The following MARCHF1 variants were observed in gnomAD, a reference collection of about 807,000 sequenced individuals.
MARCHF1 encodes the protein membrane associated ring-CH-type finger 1.
Under a neutral mutation model 54.2 loss-of-function variants are expected in MARCHF1, and 40 were observed. That is an observed-to-expected ratio of 0.74 (90% CI 0.57 to 0.96). The LOEUF (loss-of-function observed/expected upper bound fraction) is 0.96, where lower values mean the gene tolerates loss of function less well. MARCHF1 is among the 40% of genes least tolerant of loss of function. The pLI is 0.00. For synonymous variants in MARCHF1, 236 were observed against 236.3 expected, an observed-to-expected ratio of 1.00 and a Z score of 0.01; for missense variants, 586 against 656.5, an observed-to-expected ratio of 0.89 and a Z score of 1.17.
At chr4:164,278,379 G>C (rs1176311617) in intron 1 of MARCHF1, among the ~76,000 whole-genome samples, 1 of 152,056 alleles carries the variant, frequency 6.6e-6, no homozygotes, top group East Asian at 1.9e-4. Flanking sequence ...AGAAAAATTA[G>C]GGGAACATTA....
chr4:164,297,676 T>C (rs1734446624), intron 1 of MARCHF1, among the ~76,000 whole-genome samples: 1 of 100,394 alleles, frequency 1.0e-5, no homozygotes, highest in Non-Finnish European at 3.0e-5. Context: ...AAGCCTGCAG[T>C]TTAACTAGTA....
chr4:164,018,578 A>G (rs1753595436), intron 2 of MARCHF1, among the ~76,000 whole-genome samples: 2 of 152,124 alleles, frequency 1.3e-5, no homozygotes, highest in Non-Finnish European at 2.9e-5. Flanking sequence ...CATATCGAAA[A>G]TGCCCAATAT....
At chr4:163,811,137 TTTC>T (rs1376766917) in intron 4 of MARCHF1, among the ~76,000 whole-genome samples, 1 of 152,176 alleles carries the variant, frequency 6.6e-6, no homozygotes, top group Non-Finnish European at 1.5e-5. Flanking sequence ...GAGCTGCTTC[TTTC>T]TTGACTTTTT....
At chr4:164,164,766 T>A (rs1730327818) in intron 1 of MARCHF1, among the ~76,000 whole-genome samples, 1 of 152,008 alleles carries the variant, frequency 6.6e-6, no homozygotes, top group Non-Finnish European at 1.5e-5. Context: ...GAACATGAGT[T>A]TGAATAACAA....
chr4:163,951,617 G>A (rs928620064), intron 3 of MARCHF1, among the ~76,000 whole-genome samples: 4 of 152,190 alleles, frequency 2.6e-5, no homozygotes, highest in African/African-American at 9.6e-5. Flanking sequence ...ATATCAGAAA[G>A]GTAAAGCAGA....
chr4:164,351,018 T>C (rs1730300026), intron 1 of MARCHF1, among the ~76,000 whole-genome samples: 1 of 151,748 alleles, frequency 6.6e-6, no homozygotes, highest in Non-Finnish European at 1.5e-5. Flanking sequence ...ACCTGGAAAA[T>C]CGGGTTACTC....
chr4:163,700,766 C>A, intron 5 of MARCHF1, 47 bp downstream of exon 5: 1 of 1,348,236 alleles, frequency 7.4e-7, no homozygotes, highest in South Asian at 1.2e-5. Flanking sequence ...TATGTGAACT[C>A]ATGAAGTGCA....
intron 5 of MARCHF1, among the ~76,000 whole-genome samples, chr4:163,649,396 T>C (rs1027631223): frequency 4.6e-5 from 7 of 152,068 alleles, no homozygotes; most frequent in African/African-American, 1.7e-4. Flanking sequence ...TCGAAACACA[T>C]TGTACAAAAG....
chr4:163,616,217 T>C (rs4642196), intron 5 of MARCHF1, among the ~76,000 whole-genome samples: 62,660 of 152,010 alleles, frequency 0.41, 13,834 homozygotes, highest in East Asian at 0.57. Context: ...AATAGACAAA[T>C]GAGACTACAT....
rs182986953 is a variant in MARCHF1 at position 163,727,847 on chromosome 4, G to C, written c.112-26984C>G. On this transcript the variant is annotated intron_variant, in intron 4 of 9. Coordinates refer to ENST00000514618, the MANE Select transcript of MARCHF1 (RefSeq NM_001394959.1). ...GCCACCATGCTCGGGTATTTTTATT[G>C]TTTTATTTTTTTAATTTTATATAGA... Among the ~76,000 whole-genome samples the C allele has an allele frequency of 7.0e-4, 106 of 151,678 alleles. 2 individuals carry two copies. The East Asian group carries it at 0.013, about 19-fold the overall frequency.
At chr4:163,580,062 A>ATTAT (rs3085769) in intron 8 of MARCHF1, among the ~76,000 whole-genome samples, 41,272 of 144,108 alleles carry the variant, frequency 0.29, 6,310 homozygotes, top group African/African-American at 0.37. Context: ...AGCCTTATTT[A>ATTAT]TTATTTATTT....
At chr4:163,871,529 G>T (rs1750168766) in intron 3 of MARCHF1, among the ~76,000 whole-genome samples, 1 of 152,082 alleles carries the variant, frequency 6.6e-6, no homozygotes, top group African/African-American at 2.4e-5. Context: ...GCCTGCTAGA[G>T]AATTTCATAA....
At chr4:164,382,674 C>T (rs1731402702) in intron 1 of MARCHF1, among the ~76,000 whole-genome samples, 2 of 152,078 alleles carry the variant, frequency 1.3e-5, no homozygotes, top group Non-Finnish European at 2.9e-5. Flanking sequence ...TAGGTACCAC[C>T]GCTTCCTTGT....
At chr4:164,023,445 T>C (rs1422714912) in intron 2 of MARCHF1, among the ~76,000 whole-genome samples, 6 of 152,158 alleles carry the variant, frequency 3.9e-5, no homozygotes, top group Non-Finnish European at 8.8e-5. Flanking sequence ...TATTGGATCA[T>C]AGCCCAAACT....
intron 5 of MARCHF1, among the ~76,000 whole-genome samples, chr4:163,698,536 A>G (rs1384810021): frequency 1.3e-5 from 2 of 152,142 alleles, no homozygotes; most frequent in Admixed American, 1.3e-4. Flanking sequence ...TTAAGAATAG[A>G]GTTTTTTTAT....
chr4:164,211,357 C>CTATATATATATAT (rs1560956008), intron 1 of MARCHF1, among the ~76,000 whole-genome samples: 7 of 100,084 alleles, frequency 7.0e-5, no homozygotes, highest in Non-Finnish European at 1.7e-4. Context: ...ATATATATAC[C>CTATATATATATAT]ACATTGCAAC....
At chr4:164,360,587 A>T (rs1261462464) in intron 1 of MARCHF1, among the ~76,000 whole-genome samples, 1 of 152,104 alleles carries the variant, frequency 6.6e-6, no homozygotes, top group Non-Finnish European at 1.5e-5. Context: ...GAGTTGTTTA[A>T]GTGTCGATTT....
chr4:163,753,785 A>G (rs1016933244), intron 4 of MARCHF1, among the ~76,000 whole-genome samples: 2 of 152,182 alleles, frequency 1.3e-5, no homozygotes, highest in Non-Finnish European at 1.5e-5. Flanking sequence ...AGAGAAGGCA[A>G]TGTTGTTAGG....
chr4:163,580,555 CAT>C (rs1209325539), intron 8 of MARCHF1, among the ~76,000 whole-genome samples: 1 of 152,116 alleles, frequency 6.6e-6, no homozygotes, highest in Non-Finnish European at 1.5e-5. Context: ...GCTTTTAAAA[CAT>C]AGCAGGATGT....
Sources: gnomAD v4.1 joint callset for allele counts (sites outside exome capture counted in the v4.1 genomes callset) on GRCh38, gnomAD v4.1.1 for gene constraint, MANE v1.5 for transcripts, NCBI Gene and HGNC (gene_info 2026-07-23, HGNC 2026-07-21) for gene names.